Variants in TAF3 observed in about 807,000 individuals in gnomAD.
The protein encoded by TAF3 is TATA-box binding protein associated factor 3.
In TAF3, 7 loss-of-function variants were observed where a neutral mutation model predicts 80.6. The observed-to-expected ratio is 0.09, with a 90% CI of 0.05 to 0.16. The LOEUF is 0.16. Among genes scored for constraint, TAF3 ranks in the 10% least tolerant of loss-of-function variants. The pLI, the probability that TAF3 is intolerant of heterozygous loss-of-function variation, is 1.00. For missense variants in TAF3, 921 were observed against 1,140.2 expected (o/e 0.81, Z 2.77); for synonymous variants, 444 against 446.1 (o/e 1.00, Z 0.06).
chr10:7,920,411 G>A (rs1279052940), intron 2 of TAF3, among the ~76,000 whole-genome samples: 1 of 151,612 alleles, frequency 6.6e-6, no homozygotes, highest in Non-Finnish European at 1.5e-5. Flanking sequence ...GGTGCGTTGT[G>A]TGATTTCAAT....
intron 2 of TAF3, among the ~76,000 whole-genome samples, chr10:7,876,437 A>G (rs757724493): frequency 3.3e-5 from 5 of 152,196 alleles, no homozygotes; most frequent in African/African-American, 1.2e-4. Flanking sequence ...TTTAAAGTAC[A>G]TATTGTTTTC....
intron 2 of TAF3, among the ~76,000 whole-genome samples, chr10:7,889,263 T>A (rs1177753516): frequency 2.0e-5 from 3 of 152,186 alleles, no homozygotes; most frequent in Non-Finnish European, 4.4e-5. Context: ...CTTCTCACTC[T>A]CCACATTTGG....
chr10:7,930,683 C>A (rs1427353176), intron 2 of TAF3, among the ~76,000 whole-genome samples: 1 of 152,088 alleles, frequency 6.6e-6, no homozygotes, highest in Non-Finnish European at 1.5e-5. Context: ...CAGAGTAGGT[C>A]ATGTATTCCC....
intron 3 of TAF3, chr10:7,975,070 C>CAAAA (rs35755700): frequency 4.8e-4 from 84 of 175,900 alleles, no homozygotes; most frequent in South Asian, 1.5e-3. Flanking sequence ...GACTCTGTCT[C>CAAAA]AAAAAAAAAA....
At chr10:7,828,554 A>G (rs1836766141) in intron 2 of TAF3, among the ~76,000 whole-genome samples, 1 of 152,146 alleles carries the variant, frequency 6.6e-6, no homozygotes, top group Non-Finnish European at 1.5e-5. Flanking sequence ...CTTGCCATAC[A>G]TATTTTCAGA....
intron 2 of TAF3, among the ~76,000 whole-genome samples, chr10:7,891,038 C>A (rs949118669): frequency 1.1e-4 from 17 of 152,152 alleles, no homozygotes; most frequent in Admixed American, 1.0e-3. Context: ...TGGGGCCCCG[C>A]CCTTTGCATG....
intron 4 of TAF3, among the ~76,000 whole-genome samples, chr10:7,992,400 A>T (rs1195486517): frequency 6.6e-6 from 1 of 152,216 alleles, no homozygotes; most frequent in African/African-American, 2.4e-5. Flanking sequence ...TTTGGATCAG[A>T]TGTTAATTCT....
intron 2 of TAF3, among the ~76,000 whole-genome samples, chr10:7,843,429 C>G (rs1836938855): frequency 6.6e-6 from 1 of 152,130 alleles, no homozygotes; most frequent in African/African-American, 2.4e-5. Flanking sequence ...TTTTAAATGT[C>G]TGCATTTGTC....
At chr10:7,832,159 T>A (rs953821199) in intron 2 of TAF3, among the ~76,000 whole-genome samples, 1 of 152,178 alleles carries the variant, frequency 6.6e-6, no homozygotes, top group African/African-American at 2.4e-5. Context: ...AGATTGAGGC[T>A]TTGTACCCTT....
intron 3 of TAF3, among the ~76,000 whole-genome samples, chr10:7,968,304 A>G (rs187803804): frequency 6.6e-6 from 1 of 152,314 alleles, no homozygotes; most frequent in Admixed American, 6.5e-5. Flanking sequence ...TCTCCCAGAC[A>G]CTGACCCAGA....
At chr10:7,965,790 GA>G in intron 3 of TAF3, 48 bp downstream of exon 3, 1 of 1,437,548 alleles carries the variant, frequency 7.0e-7, no homozygotes, top group South Asian at 1.8e-5. Flanking sequence ...GTCCTAGTGA[GA>G]AACACAGGTA....
intron 2 of TAF3, among the ~76,000 whole-genome samples, chr10:7,905,207 C>T (rs1371857907): frequency 6.6e-6 from 1 of 152,110 alleles, no homozygotes; most frequent in Non-Finnish European, 1.5e-5. Context: ...GAGTTTGAGA[C>T]CCCAGAGGTA....
At chr10:7,944,790 A>G (rs1294308489) in intron 2 of TAF3, among the ~76,000 whole-genome samples, 1 of 152,218 alleles carries the variant, frequency 6.6e-6, no homozygotes, top group Admixed American at 6.5e-5. Flanking sequence ...CCACAAGGAA[A>G]GGGAGACCTT....
intron 5 of TAF3, among the ~76,000 whole-genome samples, chr10:8,012,067 C>T (rs1214065446): frequency 6.6e-6 from 1 of 152,150 alleles, no homozygotes; most frequent in Non-Finnish European, 1.5e-5. Flanking sequence ...GTCTCAACTA[C>T]TCAGGAGGCT....
intron 2 of TAF3, among the ~76,000 whole-genome samples, chr10:7,901,313 G>T (rs2131171429): frequency 6.6e-6 from 1 of 152,180 alleles, no homozygotes; most frequent in East Asian, 1.9e-4. Context: ...AGAAGTAAAG[G>T]GTCTTTCTCA....
intron 2 of TAF3, among the ~76,000 whole-genome samples, chr10:7,886,178 T>A (rs1202155672): frequency 6.6e-6 from 1 of 152,108 alleles, no homozygotes; most frequent in Non-Finnish European, 1.5e-5. Context: ...ATCCTCCTGC[T>A]TTGGCCTCCC....
At chr10:7,827,672 C>T (rs1269528785) in intron 2 of TAF3, among the ~76,000 whole-genome samples, 4 of 150,710 alleles carry the variant, frequency 2.7e-5, no homozygotes, top group Admixed American at 6.6e-5. Flanking sequence ...CCCAGCTACT[C>T]GGGAGGCTGA....
chr10:7,904,442 TC>T (rs1396047693), intron 2 of TAF3, among the ~76,000 whole-genome samples: 1 of 152,230 alleles, frequency 6.6e-6, no homozygotes, highest in Non-Finnish European at 1.5e-5. Context: ...ACGTTGTCTG[TC>T]CAGTTCATCA....
At chr10:7,941,550 T>A (rs1837976153) in intron 2 of TAF3, among the ~76,000 whole-genome samples, 1 of 152,202 alleles carries the variant, frequency 6.6e-6, no homozygotes, top group African/African-American at 2.4e-5. Flanking sequence ...TGGCACAATC[T>A]GACAAAGGAG....
Sources: gnomAD v4.1 joint callset for allele counts (sites outside exome capture counted in the v4.1 genomes callset) on GRCh38, gnomAD v4.1.1 for gene constraint, MANE v1.5 for transcripts, NCBI Gene and HGNC (gene_info 2026-07-23, HGNC 2026-07-21) for gene names.